Variants in TCF7 observed in about 807,000 individuals in gnomAD.
The protein encoded by TCF7 is transcription factor 7, also known as T-cell-factor-7.
In TCF7, 19 loss-of-function variants were observed where a neutral mutation model predicts 46.8. The observed-to-expected ratio is 0.41, with a 90% confidence interval of 0.28 to 0.60. The LOEUF (loss-of-function observed/expected upper bound fraction) is 0.60. Among genes scored for constraint, TCF7 ranks in the 20% least tolerant of loss-of-function variants. The pLI is 0.35. For missense variants in TCF7, 547 were observed against 504.6 expected (o/e 1.08, Z -0.81); for synonymous variants, 245 against 213.4 (o/e 1.15, Z -1.29).
chr5:134,142,449 TG>T, intron 6 of TCF7, 145 bp downstream of exon 6: 1 of 37,500 alleles, frequency 2.7e-5, no homozygotes, highest in South Asian at 3.0e-4. Context: ...TAGGAGGGGG[TG>T]GGTGGGATGG....
chr5:134,115,496 C>A, intron 2 of TCF7, 109 bp downstream of exon 2: 1 of 1,489,756 alleles, frequency 6.7e-7, no homozygotes, highest in Non-Finnish European at 9.0e-7. Context: ...CACCGCAGCT[C>A]AGGAGGCGGC....
Position 134,115,086 on chromosome 5 carries a change from G to C in TCF7, c.180G>C (p.Glu60Asp). 5 of 1,104,156 alleles carry C rather than the reference G, an allele frequency of 4.5e-6. No homozygotes were observed. Among genetic ancestry groups the C allele is most frequent in the Non-Finnish European group, 5.6e-6 (5 of 892,506 alleles). 68.4% of individuals were successfully genotyped at this position (1,104,156 alleles called of 1,614,324 possible). The change falls in exon 1 of 10, where the codon GAG becomes GAC. Residue 60 changes from glutamate to aspartate, a missense_variant. Physicochemically the swap from Glu to Asp is conservative, Grantham distance 45. This residue lies in a region of TCF7 where 425 missense variants were observed against 349.9 expected (regional missense o/e 1.21). Coordinates refer to ENST00000342854, the MANE Select transcript of TCF7 (RefSeq NM_003202.5). ...AGTCGTCGCTCGTGAACGAGTCCGAGGGCGCGGCCGGCGGCGCAGGGATCC... is the reference window on the plus strand; with the variant it reads ...AGTCGTCGCTCGTGAACGAGTCCGACGGCGCGGCCGGCGGCGCAGGGATCC... ...ELKSSLVNES[E>D]GAAGGAGIPG...
In TCF7 at chr5:134,142,233, A is replaced by T; in HGVS notation, c.684A>T (p.Pro228=). Residue 228 remains proline (P), a synonymous_variant, in exon 6 of 10, where the codon CCA becomes CCT. Coordinates refer to ENST00000342854, the MANE Select transcript of TCF7 (RefSeq NM_003202.5). ...TAGGTTCTGGTGTACCTGGTCACCC[A>T]GCAGCCATCCCCCACCCGGCCATTG... ...LMLGSGVPGH[P]AAIPHPAIVP... 6.2e-7 allele frequency: 1 copy of T among 1,612,708 alleles called. No individual in the cohort carries two copies. The highest frequency in any genetic ancestry group is 8.5e-7 in the Non-Finnish European group (1 of 1,178,880).
intron 3 of TCF7, chr5:134,123,781 C>T (rs185575034): frequency 2.2e-6 from 1 of 456,334 alleles, no homozygotes; most frequent in East Asian, 7.0e-5. Flanking sequence ...TACCCACCCA[C>T]AGATGGTGTG....
At chr5:134,145,156 C>G in intron 9 of TCF7, 1 of 627,890 alleles carries the variant, frequency 1.6e-6, no homozygotes, top group South Asian at 1.4e-5. Flanking sequence ...CCTAGCAGGT[C>G]CTCAGCAAAC....
intron 3 of TCF7, 184 bp from the exon 4 acceptor site, chr5:134,137,875 C>T (rs1759125762): frequency 2.2e-6 from 1 of 453,962 alleles, no homozygotes; most frequent in Admixed American, 4.3e-5. Flanking sequence ...ACTGCTTGGG[C>T]AAAGTCTTGG....
At position 134,115,342 on chromosome 5, in the gene TCF7, G is replaced by A; in HGVS notation, c.271G>A (p.Ala91Thr). 1 of 1,598,860 alleles carries A rather than the reference G, an allele frequency of 6.3e-7. No homozygotes were observed. The highest frequency in any genetic ancestry group is 1.1e-5 in the South Asian group (1 of 88,430). The change falls in exon 2 of 10, where the codon GCG (alanine) becomes ACG (threonine). Residue 91 changes from alanine (A) to threonine (T), a missense_variant. Transcript: ENST00000342854. ...EAEALGREHA[A>T]QRLFPDKLPE... Reference sequence around the variant, plus strand: ...CCAGGCTCTCGGGCGGGAACACGCTGCGCAGAGACTCTTCCCGGACAAACT... The same window carrying A: ...CCAGGCTCTCGGGCGGGAACACGCTACGCAGAGACTCTTCCCGGACAAACT...
At chr5:134,114,128 T>C (rs1755473234), upstream of TCF7, among the ~76,000 whole-genome samples, 1 of 152,164 alleles carries the variant, frequency 6.6e-6, no homozygotes. Flanking sequence ...AAGGGGGGTA[T>C]ACTTATGTTC....
At chr5:134,134,741 A>C (rs1319837590) in intron 3 of TCF7, among the ~76,000 whole-genome samples, 1 of 152,218 alleles carries the variant, frequency 6.6e-6, no homozygotes, top group African/African-American at 2.4e-5. Flanking sequence ...AGACTGGCCC[A>C]GGATCCTCCA....
At chr5:134,146,122 C>G in intron 9 of TCF7, 102 bp from the exon 10 acceptor site, 2 of 1,609,154 alleles carry the variant, frequency 1.2e-6, no homozygotes, top group Non-Finnish European at 1.7e-6. Context: ...GAAGAGAGGA[C>G]AAGGAATCAG....
At position 134,142,320 on chromosome 5, in the gene TCF7, A is replaced by G. The variant is rs750109523; in HGVS notation, c.755+16A>G. The G allele has an allele frequency of 5.7e-6, 9 of 1,565,934 alleles. No homozygotes were observed. The highest frequency in any genetic ancestry group is 4.7e-5 in the South Asian group (4 of 84,732). Reference sequence around the variant, plus strand: ...ACCGCAACCTGTGAGTGAAAAGACAATGATGGCAGGGGGTGTGTCAGTCAG... The same window carrying G: ...ACCGCAACCTGTGAGTGAAAAGACAGTGATGGCAGGGGGTGTGTCAGTCAG... On this transcript the variant is annotated intron_variant, in intron 6 of 9. Transcript: ENST00000342854.
At chr5:134,142,404 T>C (rs1457468419) in intron 6 of TCF7, 100 bp downstream of exon 6, 4 of 1,266,402 alleles carry the variant, frequency 3.2e-6, no homozygotes, top group Non-Finnish European at 4.1e-6. Flanking sequence ...CCTAAGCTGT[T>C]TCGTGCCTCT....
chr5:134,132,502 A>G (rs923609136), intron 3 of TCF7, among the ~76,000 whole-genome samples: 1 of 152,182 alleles, frequency 6.6e-6, no homozygotes, highest in Non-Finnish European at 1.5e-5. Flanking sequence ...GGCCTCACCT[A>G]TCCCCTACCC....
At position 134,147,758 on chromosome 5, in the gene TCF7, C is replaced by A. The variant is rs933023449; in HGVS notation, c.*1455C>A. 6.6e-6 allele frequency: 1 copy of A among 152,150 alleles called. No homozygotes were observed. Among genetic ancestry groups the A allele is most frequent in the African/African-American group, 2.4e-5 (1 of 41,416 alleles). 9.4% of individuals were successfully genotyped at this position (152,150 alleles called of 1,614,324 possible). On this transcript the variant is annotated 3_prime_UTR_variant, in exon 10 of 10. Transcript: ENST00000342854. Reference sequence around the variant, plus strand: ...TGGCAGGCCGAGGCAGGTGGATCACCTGACGTCAGTAGTTTGAGACCAGCC... The same window carrying A: ...TGGCAGGCCGAGGCAGGTGGATCACATGACGTCAGTAGTTTGAGACCAGCC...
At chr5:134,144,947 A>G in intron 9 of TCF7, 1 of 1,313,238 alleles carries the variant, frequency 7.6e-7, no homozygotes, top group Non-Finnish European at 1.1e-6. Context: ...CTGGGCCTGC[A>G]GCCCACTCCT....
At position 134,147,222 on chromosome 5, in the gene TCF7, T is replaced by G. The variant is rs1484233836; in HGVS notation, c.*919T>G. ...GAGGGGAGGGTGTATCTAGCTCTAG[T>G]TCAAATTATTTGGAAGTGTTCCCTG... On this transcript the variant is annotated 3_prime_UTR_variant, in exon 10 of 10. Coordinates refer to ENST00000342854, the MANE Select transcript of TCF7 (RefSeq NM_003202.5). 5 of 152,198 alleles carry G rather than the reference T, an allele frequency of 3.3e-5. No individual in the cohort carries two copies. Among genetic ancestry groups the G allele is most frequent in the African/African-American group, 9.7e-5 (4 of 41,416 alleles). 9.4% of individuals were successfully genotyped at this position (152,198 alleles called of 1,614,324 possible). A position where few individuals can be genotyped will look rare whatever the true frequency, so the allele number is the denominator to read the frequency against.
In TCF7 at chr5:134,114,726, A is replaced by G. The variant is rs1376308500; in HGVS notation, c.-181A>G. On this transcript the variant is annotated 5_prime_UTR_variant, in exon 1 of 10. Coordinates refer to ENST00000342854, the MANE Select transcript of TCF7 (RefSeq NM_003202.5). ...GATGTTCCGACCCGCCAGCTCGCGG[A>G]GCCGCTCTGCCCCGCGCCCTAGCCC... is the stretch of plus-strand genomic sequence containing the variant. 8.6e-6 allele frequency: 4 copies of G among 464,862 alleles called. No homozygotes were observed. Among genetic ancestry groups the G allele is most frequent in the Non-Finnish European group, 1.1e-5 (4 of 362,284 alleles). The allele number at this position is 464,862 out of a possible 1,614,324, so 28.8% of individuals were successfully genotyped here. A position where few individuals can be genotyped will look rare whatever the true frequency, so the allele number is the denominator to read the frequency against.
At chr5:134,145,819 G>A (rs372648844) in intron 9 of TCF7, 49 of 1,613,212 alleles carry the variant, frequency 3.0e-5, no homozygotes, top group Non-Finnish European at 3.9e-5. Context: ...AGCCCAGCTT[G>A]AGGACTGGGA....
chr5:134,146,775 T>C lies in TCF7; in HGVS notation c.*472T>C. ...TTGTACCTATGGCTGCCTGCATCTA[T>C]TCTTTGTACCATCTGTCTTGCCAGC... is the stretch of plus-strand genomic sequence containing the variant. On this transcript the variant is annotated 3_prime_UTR_variant, in exon 10 of 10. Transcript: ENST00000342854. 1 of 527,800 alleles carries C rather than the reference T, an allele frequency of 1.9e-6. No homozygotes were observed. Among genetic ancestry groups the C allele is most frequent in the Non-Finnish European group, 3.3e-6 (1 of 300,796 alleles). 32.7% of individuals were successfully genotyped at this position (527,800 alleles called of 1,614,324 possible). A position where few individuals can be genotyped will look rare whatever the true frequency, so the allele number is the denominator to read the frequency against.
Sources: gnomAD v4.1 joint callset for allele counts (sites outside exome capture counted in the v4.1 genomes callset) on GRCh38, gnomAD v4.1.1 for gene constraint, gnomAD v4.1.1 regional missense constraint, MANE v1.5 for transcripts, NCBI Gene and HGNC (gene_info 2026-07-23, HGNC 2026-07-21) for gene names.